STRN3: variants seen among roughly 807,000 people sequenced by gnomAD.
The protein encoded by STRN3 is striatin-3.
STRN3 carries 29 observed loss-of-function variants against 95.6 expected under a neutral mutation model. The ratio of observed to expected loss-of-function variants is 0.30; its 90% CI spans 0.23 to 0.41. The LOEUF (loss-of-function observed/expected upper bound fraction) is 0.41. STRN3 is among the 10% of genes least tolerant of loss of function. STRN3 has a pLI of 1.00. For missense variants in STRN3, 890 were observed against 972.1 expected (o/e 0.92, Z 1.12); for synonymous variants, 331 against 357.6 (o/e 0.93, Z 0.84).
chr14:30,911,531 GACCTCAA>G (rs1896609755), intron 12 of STRN3, among the ~76,000 whole-genome samples: 1 of 151,966 alleles, frequency 6.6e-6, no homozygotes. Flanking sequence ...TCGAACTCCT[GACCTCAA>G]GTGATCTGCC....
intron 1 of STRN3, among the ~76,000 whole-genome samples, chr14:30,993,776 T>G (rs1370046063): frequency 6.6e-6 from 1 of 151,662 alleles, no homozygotes; most frequent in Non-Finnish European, 1.5e-5. Flanking sequence ...GCCTCGCAGG[T>G]TCAAGCAATT....
At chr14:30,896,163 G>C (rs2138928200) in intron 16 of STRN3, among the ~76,000 whole-genome samples, 1 of 152,272 alleles carries the variant, frequency 6.6e-6, no homozygotes, top group East Asian at 1.9e-4. Flanking sequence ...AATGTTTTAA[G>C]GGTACATCCA....
chr14:30,943,273 G>A (rs1879179243), intron 5 of STRN3, among the ~76,000 whole-genome samples: 1 of 152,186 alleles, frequency 6.6e-6, no homozygotes, highest in South Asian at 2.1e-4. Context: ...GCATTAAGAA[G>A]AAAGCCTCGA....
chr14:30,978,676 G>A (rs970441440), intron 1 of STRN3, among the ~76,000 whole-genome samples: 4 of 152,092 alleles, frequency 2.6e-5, no homozygotes, highest in African/African-American at 7.2e-5. Context: ...AACTGTTTGC[G>A]GATGACCTGA....
chr14:30,998,990 A>C (rs988061859), intron 1 of STRN3, among the ~76,000 whole-genome samples: 1 of 152,228 alleles, frequency 6.6e-6, no homozygotes, highest in African/African-American at 2.4e-5. Flanking sequence ...CAGAAAAACA[A>C]GTAGGACCTA....
At chr14:30,994,695 A>G (rs1195908990) in intron 1 of STRN3, among the ~76,000 whole-genome samples, 2 of 152,248 alleles carry the variant, frequency 1.3e-5, no homozygotes, top group African/African-American at 4.8e-5. Flanking sequence ...CTGAATTTAA[A>G]TCTCTGCTCA....
chr14:30,985,712 AATG>A (rs68075233), intron 1 of STRN3, among the ~76,000 whole-genome samples: 96,291 of 151,882 alleles, frequency 0.63, 31,536 homozygotes, highest in Non-Finnish European at 0.72. Flanking sequence ...AATATGTATA[AATG>A]ATGATCCATG....
chr14:30,894,467 A>T lies in STRN3; in HGVS notation c.*944T>A, dbSNP rs1423218475. 1 of 152,706 alleles carries T rather than the reference A, an allele frequency of 6.5e-6. No homozygotes were observed. The highest frequency in any genetic ancestry group is 1.5e-5 in the Non-Finnish European group (1 of 68,054). 9.5% of individuals were successfully genotyped at this position (152,706 alleles called of 1,614,324 possible). A position where few individuals can be genotyped will look rare whatever the true frequency, so the allele number is the denominator to read the frequency against. ...AAATAATAGGCCATTAGCAAGATGG[A>T]TAATCCTTGATAAATAAACTTGTAA... On this transcript the variant is annotated 3_prime_UTR_variant, in exon 18 of 18. Transcript: ENST00000357479.
chr14:30,992,621 G>A (rs1490013054), intron 1 of STRN3, among the ~76,000 whole-genome samples: 1 of 141,242 alleles, frequency 7.1e-6, no homozygotes, highest in African/African-American at 2.6e-5. Flanking sequence ...AACGAAATGT[G>A]AAATACCTTT....
At chr14:30,915,484 A>T (rs1301875258) in intron 9 of STRN3, among the ~76,000 whole-genome samples, 1 of 152,208 alleles carries the variant, frequency 6.6e-6, no homozygotes, top group East Asian at 1.9e-4. Flanking sequence ...CAATGATGAC[A>T]CTTATTGAAT....
intron 1 of STRN3, among the ~76,000 whole-genome samples, chr14:30,969,166 T>G (rs1361940516): frequency 6.6e-6 from 1 of 152,190 alleles, no homozygotes; most frequent in Non-Finnish European, 1.5e-5. Flanking sequence ...CTGGGCGCAG[T>G]GGCTCACGCC....
rs529212070 is a variant in STRN3, at chr14:30,957,446, C to T, written c.283-1204G>A. Among the ~76,000 whole-genome samples, 50 of 101,038 alleles carry T rather than the reference C, an allele frequency of 4.9e-4. 2 individuals carry two copies. The South Asian group carries it at 0.018, about 36-fold the overall frequency. 66.3% of individuals were successfully genotyped at this position (101,038 alleles called of 152,430 possible). A position where few individuals can be genotyped will look rare whatever the true frequency, so the allele number is the denominator to read the frequency against. On this transcript the variant is annotated intron_variant, in intron 1 of 17. Coordinates refer to ENST00000357479, the MANE Select transcript of STRN3 (RefSeq NM_001083893.2). ...CCAGCCTAGGCGACAGAGTGAGACT[C>T]CATTTCAAAAAAAAAAAAAAAAAGA...
At chr14:30,897,250 TAATAA>T (rs1294379747) in intron 16 of STRN3, among the ~76,000 whole-genome samples, 1 of 152,068 alleles carries the variant, frequency 6.6e-6, no homozygotes, top group African/African-American at 2.4e-5. Flanking sequence ...AACCACAACA[TAATAA>T]AATGTGTAAA....
chr14:30,936,746 G>T, intron 5 of STRN3, 122 bp from the exon 6 acceptor site: 1 of 1,172,130 alleles, frequency 8.5e-7, no homozygotes, highest in South Asian at 1.9e-5. Context: ...CCTACTGTCT[G>T]AGGGCTTTAT....
chr14:30,973,466 C>A (rs965965202), intron 1 of STRN3, among the ~76,000 whole-genome samples: 1 of 152,032 alleles, frequency 6.6e-6, no homozygotes, highest in Admixed American at 6.6e-5. Flanking sequence ...AAATTAGTAA[C>A]CACCAATTCT....
intron 1 of STRN3, among the ~76,000 whole-genome samples, chr14:30,960,811 G>A (rs145203049): frequency 0.045 from 6,575 of 145,586 alleles, 365 homozygotes; most frequent in East Asian, 0.22. Context: ...GGAGCTTGCA[G>A]TGAGCTGAGA....
chr14:30,898,572 A>T (rs4981800), intron 16 of STRN3, among the ~76,000 whole-genome samples: 1 of 152,198 alleles, frequency 6.6e-6, no homozygotes, highest in Non-Finnish European at 1.5e-5. Context: ...TGAATAGAGA[A>T]CACAATGCTG....
chr14:30,977,813 A>AG (rs1881187596), intron 1 of STRN3, among the ~76,000 whole-genome samples: 1 of 150,976 alleles, frequency 6.6e-6, no homozygotes, highest in African/African-American at 2.4e-5. Flanking sequence ...AAAAAAAAAA[A>AG]AAAACATGAA....
At chr14:30,963,266 T>C (rs1228142317) in intron 1 of STRN3, among the ~76,000 whole-genome samples, 2 of 151,884 alleles carry the variant, frequency 1.3e-5, no homozygotes, top group East Asian at 1.9e-4. Context: ...AGGAAGAAAA[T>C]AGAGGATCTG....
Sources: gnomAD v4.1 joint callset for allele counts (sites outside exome capture counted in the v4.1 genomes callset) on GRCh38, gnomAD v4.1.1 for gene constraint, MANE v1.5 for transcripts, NCBI Gene and HGNC (gene_info 2026-07-23, HGNC 2026-07-21) for gene names.